IL7: variants seen among roughly 807,000 people sequenced by gnomAD.
The protein encoded by IL7 is interleukin-7.
IL7 carries 3 observed loss-of-function variants against 21.6 expected under a neutral mutation model. That is an observed-to-expected ratio of 0.14 (90% CI 0.06 to 0.36). IL7 has a LOEUF of 0.36. Among genes scored for constraint, IL7 ranks in the 10% least tolerant of loss-of-function variants. IL7 has a pLI of 1.00. For missense variants in IL7, 175 were observed against 200.2 expected (o/e 0.87, Z 0.76); for synonymous variants, 62 against 68.1 (o/e 0.91, Z 0.44).
In IL7 at chr8:78,676,859, A is replaced by T. The variant is rs146568473; in HGVS notation, n.274-755T>A. Among the ~76,000 whole-genome samples the T allele has an allele frequency of 5.8e-3, 877 of 152,164 alleles. 7 individuals carry two copies. Among genetic ancestry groups the T allele is most frequent in the African/African-American group, 0.02 (822 of 41,558 alleles). On this transcript the variant is annotated intron_variant and non_coding_transcript_variant, in intron 4 of 4. Transcript: ENST00000523959. ...TTGGCTCTCATTTATGTGGTATTTAACTTAATGATGTTATTATAACACCTG... is the reference window on the plus strand; with the variant it reads ...TTGGCTCTCATTTATGTGGTATTTATCTTAATGATGTTATTATAACACCTG...
intron 2 of IL7, chr8:78,762,464 C>G: frequency 3.2e-6 from 5 of 1,540,830 alleles, no homozygotes; most frequent in Non-Finnish European, 4.4e-6. Context: ...CCAGCCCTCC[C>G]CTCCCCGCCT....
chr8:78,702,187 G>A (rs1810626513), intron 3 of IL7, among the ~76,000 whole-genome samples: 1 of 152,036 alleles, frequency 6.6e-6, no homozygotes, highest in Non-Finnish European at 1.5e-5. Context: ...TTTCTTCCTG[G>A]TTCAGTCTTG....
At chr8:78,706,621 T>C (rs34099505) in intron 3 of IL7, among the ~76,000 whole-genome samples, 12,234 of 152,254 alleles carry the variant, frequency 0.08, 677 homozygotes, top group Middle Eastern at 0.16. Context: ...CTTTGTTCTC[T>C]GTGGGTCAAG....
At chr8:78,677,583 C>G (rs1479725515) in intron 4 of IL7, among the ~76,000 whole-genome samples, 1 of 152,026 alleles carries the variant, frequency 6.6e-6, no homozygotes, top group African/African-American at 2.4e-5. Flanking sequence ...CTTTTGTAAT[C>G]CTAAAACTAA....
Position 78,805,076 on chromosome 8 carries a change from GC to G in IL7, c.-155del. ...TCTGCAGCTGGTTCCTCTTACCCAC[GC>G]CGCGACTGCAGTTTCATCCATCCCA... On this transcript the variant is annotated 5_prime_UTR_variant, in exon 1 of 6. An upstream open reading frame in the 5' UTR gains an earlier in-frame stop. Transcript: ENST00000263851. 2.8e-6 allele frequency: 2 copies of G among 708,248 alleles called. No individual in the cohort carries two copies. The highest frequency in any genetic ancestry group is 4.1e-5 in the South Asian group (2 of 49,330). 43.9% of individuals were successfully genotyped at this position (708,248 alleles called of 1,614,324 possible).
At chr8:78,688,309 C>T (rs1288138738) in intron 3 of IL7, among the ~76,000 whole-genome samples, 1 of 151,954 alleles carries the variant, frequency 6.6e-6, no homozygotes, top group Non-Finnish European at 1.5e-5. Context: ...TCTTCAGGAT[C>T]GTTTGGGCTT....
intron 2 of IL7, among the ~76,000 whole-genome samples, chr8:78,746,062 A>G (rs1332828401): frequency 6.6e-6 from 1 of 152,178 alleles, no homozygotes; most frequent in East Asian, 1.9e-4. Flanking sequence ...ATTCAATCAC[A>G]TCTGTAGATT....
intron 3 of IL7, chr8:78,686,343 A>G (rs1444918146): frequency 1.2e-6 from 1 of 804,446 alleles, no homozygotes; most frequent in African/African-American, 1.8e-5. Flanking sequence ...TGAGAAGGAT[A>G]TCATTTAAGG....
intron 1 of IL7, 75 bp from the exon 2 acceptor site, chr8:78,798,283 G>A: frequency 1.0e-6 from 1 of 985,446 alleles, no homozygotes; most frequent in South Asian, 2.1e-5. Flanking sequence ...TCAATGGACT[G>A]GACCACTAAT....
At chr8:78,772,547 G>C (rs1017901933) in intron 2 of IL7, among the ~76,000 whole-genome samples, 1 of 152,132 alleles carries the variant, frequency 6.6e-6, no homozygotes. Context: ...AAATGGCACA[G>C]TAAGTCCTCA....
intron 3 of IL7, among the ~76,000 whole-genome samples, chr8:78,707,855 C>T (rs200150490): frequency 1.6e-4 from 23 of 143,382 alleles, no homozygotes; most frequent in South Asian, 2.2e-4. Flanking sequence ...CTTTTTTTTT[C>T]TTTTTTTTTT....
In IL7 at chr8:78,733,701, A is replaced by G. The variant is rs1811484040; in HGVS notation, c.*12T>C. 1 of 1,595,368 alleles carries G rather than the reference A, an allele frequency of 6.3e-7. No homozygotes were observed. The stretch of plus-strand genomic sequence containing the variant: ...CTAAAGTTCGTGTTTCTATATTGCC[A>G]CTCCATATTTTTCAGTGTTCTTTAG... On this transcript the variant is annotated 3_prime_UTR_variant, in exon 6 of 6. Coordinates refer to ENST00000263851, the MANE Select transcript of IL7 (RefSeq NM_000880.4).
intron 2 of IL7, among the ~76,000 whole-genome samples, chr8:78,749,028 T>C (rs753052886): frequency 1.6e-4 from 24 of 152,188 alleles, no homozygotes; most frequent in Non-Finnish European, 2.6e-4. Context: ...TGAATGCATA[T>C]GTAGACACTT....
chr8:78,800,751 G>C (rs913822663), intron 1 of IL7, among the ~76,000 whole-genome samples: 2 of 151,978 alleles, frequency 1.3e-5, no homozygotes, highest in East Asian at 3.9e-4. Flanking sequence ...GGGTCCAAAA[G>C]GTATACTTCG....
At position 78,697,702 on chromosome 8, in the gene IL7, G is replaced by A. The variant is rs530564559; in HGVS notation, n.215-11755C>T. ...TTAACCTTTTTTTTTTTTTTTTGACGGAGTCTTGCTCTGTTGCCCAGGTTT... is the reference window on the plus strand; with the variant it reads ...TTAACCTTTTTTTTTTTTTTTTGACAGAGTCTTGCTCTGTTGCCCAGGTTT... On this transcript the variant is annotated intron_variant and non_coding_transcript_variant, in intron 3 of 4. Transcript: ENST00000523959. 2.4e-4 allele frequency among the ~76,000 whole-genome samples: 35 copies of A among 144,804 alleles called. No individual in the cohort carries two copies. In the East Asian group the frequency reaches 3.2e-3, roughly 13 times the overall value. 95.0% of individuals were successfully genotyped at this position (144,804 alleles called of 152,430 possible).
chr8:78,711,905 A>G, intron 3 of IL7: 1 of 779,344 alleles, frequency 1.3e-6, no homozygotes, highest in Non-Finnish European at 1.9e-6. Flanking sequence ...ATATCTGATG[A>G]ACCAGAATAA....
At chr8:78,769,055 T>C (rs1812860481) in intron 2 of IL7, among the ~76,000 whole-genome samples, 1 of 152,192 alleles carries the variant, frequency 6.6e-6, no homozygotes, top group Admixed American at 6.5e-5. Flanking sequence ...GAGCTATCTA[T>C]GACAAACCCA....
chr8:78,697,510 A>G, intron 3 of IL7: 2 of 1,601,850 alleles, frequency 1.2e-6, no homozygotes, highest in Non-Finnish European at 1.7e-6. Flanking sequence ...GTTGTAGGTA[A>G]TGATAGCCGA....
chr8:78,733,526 C>A lies in IL7; in HGVS notation c.*187G>T. On this transcript the variant is annotated 3_prime_UTR_variant, in exon 6 of 6. Coordinates refer to ENST00000263851, the MANE Select transcript of IL7 (RefSeq NM_000880.4). Reference sequence around the variant, plus strand: ...GAAATAGTTTGTTGACTGGAGCATTCAGTTTCCATTGTTTGTATTCATCTT... The same window carrying A: ...GAAATAGTTTGTTGACTGGAGCATTAAGTTTCCATTGTTTGTATTCATCTT... The A allele has an allele frequency of 2.0e-6, 1 of 506,606 alleles. No individual in the cohort carries two copies. The highest frequency in any genetic ancestry group is 3.8e-5 in the East Asian group (1 of 26,462). 31.4% of individuals were successfully genotyped at this position (506,606 alleles called of 1,614,324 possible).
Sources: gnomAD v4.1 joint callset for allele counts (sites outside exome capture counted in the v4.1 genomes callset) on GRCh38, gnomAD v4.1.1 for gene constraint, MANE v1.5 for transcripts, NCBI Gene and HGNC (gene_info 2026-07-23, HGNC 2026-07-21) for gene names.